The following PDE1C variants were observed in gnomAD, a reference collection of about 807,000 sequenced individuals.
The protein encoded by PDE1C is dual specificity calcium/calmodulin-dependent 3',5'-cyclic nucleotide phosphodiesterase 1C.
In PDE1C, 62 loss-of-function variants were observed where a neutral mutation model predicts 93.1. That is an observed-to-expected ratio of 0.67 (90% CI 0.54 to 0.82). The LOEUF is 0.82. Among genes scored for constraint, PDE1C ranks in the 40% least tolerant of loss-of-function variants. The probability of loss-of-function intolerance (pLI) is 0.00; values close to 1 mark genes in which losing one functional copy is unlikely to be tolerated. For synonymous variants in PDE1C, 325 were observed against 310.1 expected (o/e 1.05, Z -0.50); for missense variants, 742 against 884.6 (o/e 0.84, Z 2.04).
intron 1 of PDE1C, among the ~76,000 whole-genome samples, chr7:32,282,652 G>T (rs1241694111): frequency 2.2e-3 from 3 of 1,382 alleles, no homozygotes; most frequent in East Asian, 0.048. Flanking sequence ...CACGATCTCG[G>T]CTCACTGCAA....
intron 1 of PDE1C, among the ~76,000 whole-genome samples, chr7:32,416,060 C>T (rs1331348782): frequency 1.3e-5 from 2 of 152,200 alleles, no homozygotes; most frequent in Non-Finnish European, 2.9e-5. Flanking sequence ...ACGCCCGCCT[C>T]CCCCAGGCAG....
In PDE1C at chr7:32,195,758, A is replaced by T. The variant is rs1010448548; in HGVS notation, c.136+13731T>A. ...GGTTTCTTCAGGTTTATCCTGTTTGAACTGACTTTCTATGGCACAGATTAA... is the reference window on the plus strand; with the variant it reads ...GGTTTCTTCAGGTTTATCCTGTTTGTACTGACTTTCTATGGCACAGATTAA... On this transcript the variant is annotated intron_variant, in intron 2 of 18. Coordinates refer to the PDE1C transcript ENST00000396193. Among the ~76,000 whole-genome samples, 4 of 152,274 alleles carry T rather than the reference A, an allele frequency of 2.6e-5. No individual in the cohort carries two copies. The East Asian group carries it at 7.7e-4, about 29-fold the overall frequency.
At chr7:32,197,040 T>C (rs1033447272) in intron 2 of PDE1C, among the ~76,000 whole-genome samples, 1 of 152,196 alleles carries the variant, frequency 6.6e-6, no homozygotes, top group Non-Finnish European at 1.5e-5. Context: ...TCTTCAACTT[T>C]TGGTTAATAA....
chr7:32,275,247 G>A (rs960825335), intron 1 of PDE1C, among the ~76,000 whole-genome samples: 1 of 152,052 alleles, frequency 6.6e-6, no homozygotes, highest in Non-Finnish European at 1.5e-5. Context: ...GCTCACACAT[G>A]TCATCAGATA....
intron 2 of PDE1C, among the ~76,000 whole-genome samples, chr7:32,033,336 T>C (rs1225438032): frequency 6.6e-6 from 1 of 152,060 alleles, no homozygotes; most frequent in Non-Finnish European, 1.5e-5. Flanking sequence ...CATTCAGTAG[T>C]TTTAATGAAC....
In PDE1C at chr7:31,901,953, A is replaced by G. The variant is rs188804495; in HGVS notation, c.129-21093T>C. Among the ~76,000 whole-genome samples, 555 of 150,876 alleles carry G rather than the reference A, an allele frequency of 3.7e-3. 2 individuals are homozygous for G. The highest frequency in any genetic ancestry group is 0.012 in the African/African-American group (513 of 41,412). On this transcript the variant is annotated intron_variant, in intron 2 of 17. Transcript: ENST00000396191. ...CATTTTTAACAACTTACCCCAAAATATTTTCCAAATGGAAAAGATTTAAAG... is the reference window on the plus strand; with the variant it reads ...CATTTTTAACAACTTACCCCAAAATGTTTTCCAAATGGAAAAGATTTAAAG...
At chr7:31,695,638 T>C in the PDE1C span, 4 of 1,605,572 alleles carry the variant, frequency 2.5e-6, no homozygotes, top group East Asian at 6.7e-5. Context: ...GACAAAGTCA[T>C]CTGCACAGCT....
chr7:32,374,291 GAA>G (rs1784394602), intron 1 of PDE1C, among the ~76,000 whole-genome samples: 7 of 149,156 alleles, frequency 4.7e-5, no homozygotes, highest in African/African-American at 1.8e-4. Flanking sequence ...AAGAAAGAAA[GAA>G]AGAAAGAAAG....
chr7:32,403,705 G>A (rs1002049857), intron 1 of PDE1C, among the ~76,000 whole-genome samples: 13 of 152,000 alleles, frequency 8.6e-5, no homozygotes, highest in East Asian at 3.9e-4. Flanking sequence ...CAATTAGCAC[G>A]TCTTATACCC....
At chr7:31,772,195 T>C (rs74982173) in intron 17 of PDE1C, among the ~76,000 whole-genome samples, 2,727 of 152,294 alleles carry the variant, frequency 0.018, 84 homozygotes, top group African/African-American at 0.061. Flanking sequence ...TATAATCATA[T>C]TGGCATATTG....
chr7:32,031,033 A>C (rs537675898), intron 2 of PDE1C, among the ~76,000 whole-genome samples: 1 of 152,178 alleles, frequency 6.6e-6, no homozygotes, highest in African/African-American at 2.4e-5. Flanking sequence ...GTCCACTGAC[A>C]TGCAAATATT....
intron 2 of PDE1C, among the ~76,000 whole-genome samples, chr7:32,182,498 C>T (rs1472589620): frequency 5.9e-5 from 9 of 152,080 alleles, no homozygotes; most frequent in South Asian, 2.1e-4. Context: ...GTTCAACATA[C>T]GCAAATCAAT....
At chr7:31,914,272 T>C (rs536939785) in intron 2 of PDE1C, among the ~76,000 whole-genome samples, 22 of 152,194 alleles carry the variant, frequency 1.4e-4, no homozygotes, top group Non-Finnish European at 2.5e-4. Flanking sequence ...AAGATTATCA[T>C]GGGAAAACTC....
In PDE1C at chr7:31,837,858, A is replaced by G. The variant is rs1791317733; in HGVS notation, c.1082+12T>C. The G allele has an allele frequency of 2.5e-6, 4 of 1,593,174 alleles. No homozygotes were observed. Among genetic ancestry groups the G allele is most frequent in the Non-Finnish European group, 2.6e-6 (3 of 1,161,034 alleles). On this transcript the variant is annotated intron_variant, in intron 10 of 17. Coordinates refer to ENST00000396191, the MANE Select transcript of PDE1C (RefSeq NM_001191057.4). ...CTATACAAACAAAAACACAAGCCACAAGCACACTTACGCTTCTGGCTGCTG... is the reference window on the plus strand; with the variant it reads ...CTATACAAACAAAAACACAAGCCACGAGCACACTTACGCTTCTGGCTGCTG...
intron 2 of PDE1C, among the ~76,000 whole-genome samples, chr7:32,180,526 C>T (rs1329288602): frequency 6.6e-6 from 1 of 152,232 alleles, no homozygotes; most frequent in South Asian, 2.1e-4. Context: ...GAGGACACAG[C>T]GCTCCTCCTC....
At chr7:32,335,177 T>C (rs1234278204) in intron 1 of PDE1C, among the ~76,000 whole-genome samples, 3 of 152,182 alleles carry the variant, frequency 2.0e-5, no homozygotes, top group Admixed American at 6.5e-5. Flanking sequence ...GACTAAAAAA[T>C]TGACCTGTCC....
At chr7:31,632,846 G>T in the PDE1C span, among the ~76,000 whole-genome samples, 2 of 152,066 alleles carry the variant, frequency 1.3e-5, no homozygotes, top group Non-Finnish European at 2.9e-5. Context: ...CTGATTTAAA[G>T]GGTCTGGGGA....
At chr7:32,413,995 T>C (rs1004591627) in intron 1 of PDE1C, among the ~76,000 whole-genome samples, 4 of 152,040 alleles carry the variant, frequency 2.6e-5, no homozygotes, top group Non-Finnish European at 5.9e-5. Context: ...GGAGGACCAC[T>C]TGCAGCCAGG....
chr7:32,261,333 C>T (rs1810180806), intron 1 of PDE1C, among the ~76,000 whole-genome samples: 1 of 152,068 alleles, frequency 6.6e-6, no homozygotes, highest in Non-Finnish European at 1.5e-5. Context: ...GAACAGAAAA[C>T]AGCAAGAAAA....
Sources: gnomAD v4.1 joint callset for allele counts (sites outside exome capture counted in the v4.1 genomes callset) on GRCh38, gnomAD v4.1.1 for gene constraint, MANE v1.5 for transcripts, NCBI Gene and HGNC (gene_info 2026-07-23, HGNC 2026-07-21) for gene names.